The following SESN3 variants were observed in gnomAD, a reference collection of about 807,000 sequenced individuals.
The protein encoded by SESN3 is sestrin-3.
A neutral mutation model predicts 55.3 loss-of-function variants in SESN3; 21 were observed. That is an observed-to-expected ratio of 0.38 (90% CI 0.27 to 0.55). The LOEUF (loss-of-function observed/expected upper bound fraction) is 0.55. Ranked by LOEUF, SESN3 falls within the 20% of genes least tolerant of loss-of-function variation. The probability of loss-of-function intolerance (pLI) is 0.76; values close to 1 mark genes in which losing one functional copy is unlikely to be tolerated. For missense variants in SESN3, 408 were observed against 604.3 expected, an observed-to-expected ratio of 0.68 and a Z score of 3.41; for synonymous variants, 181 against 203.1, an observed-to-expected ratio of 0.89 and a Z score of 0.93.
At chr11:95,190,107 T>C (rs1223099978) in intron 3 of SESN3, 146 bp from the exon 4 acceptor site, 3 of 604,102 alleles carry the variant, frequency 5.0e-6, no homozygotes, top group Non-Finnish European at 8.3e-6. Flanking sequence ...AAAACATCCA[T>C]CATAATGATG....
chr11:95,216,110 G>GAA (rs71036381), intron 1 of SESN3, among the ~76,000 whole-genome samples: 75 of 122,188 alleles, frequency 6.1e-4, no homozygotes, highest in Middle Eastern at 4.7e-3. Flanking sequence ...AAAAAAAAAA[G>GAA]AAAAAAAAAA....
At chr11:95,174,012 G>A (rs1859905878) in intron 9 of SESN3, among the ~76,000 whole-genome samples, 2 of 152,146 alleles carry the variant, frequency 1.3e-5, no homozygotes, top group South Asian at 4.2e-4. Context: ...ATATTCTCCT[G>A]AAGAGTAAAG....
chr11:95,191,981 C>T (rs1031125525), intron 2 of SESN3, among the ~76,000 whole-genome samples: 2 of 152,026 alleles, frequency 1.3e-5, no homozygotes, highest in African/African-American at 2.4e-5. Context: ...TTTACAATTT[C>T]ATCTCATCAG....
intron 6 of SESN3, among the ~76,000 whole-genome samples, chr11:95,181,400 CACAAAT>C (rs1475061024): frequency 1.3e-5 from 2 of 152,004 alleles, no homozygotes; most frequent in Non-Finnish European, 2.9e-5. Context: ...TCCCTCAATC[CACAAAT>C]ACTTTTTTCC....
chr11:95,216,023 G>T (rs1024009561), intron 1 of SESN3, among the ~76,000 whole-genome samples: 3 of 150,948 alleles, frequency 2.0e-5, no homozygotes, highest in Non-Finnish European at 4.4e-5. Flanking sequence ...GCGTGAACTC[G>T]GGAGGCGGAG....
Position 95,168,590 on chromosome 11 carries a change from GA to G in SESN3, c.*4664del. ...GAGAGCAAGATATTTCGGCAGCAGG[GA>G]AAAGGGTAGAACAGAATAGGGTGAC... On this transcript the variant is annotated 3_prime_UTR_variant, in exon 10 of 10. Transcript: ENST00000536441. 6.6e-6 allele frequency: 1 copy of G among 152,336 alleles called. No individual in the cohort carries two copies. Among genetic ancestry groups the G allele is most frequent in the Non-Finnish European group, 1.5e-5 (1 of 68,048 alleles). The allele number at this position is 152,336 out of a possible 1,614,324, so 9.4% of individuals were successfully genotyped here. A position where few individuals can be genotyped will look rare whatever the true frequency, so the allele number is the denominator to read the frequency against.
Position 95,167,286 on chromosome 11 carries a change from G to A in SESN3, c.*5969C>T, listed in dbSNP as rs1389740356. ...TTAACTTGAGGGGTGCAAGAAAATA[G>A]ACTGTTCTAGCAAAATTTACATAAC... On this transcript the variant is annotated 3_prime_UTR_variant, in exon 10 of 10. Transcript: ENST00000536441. 6.6e-6 allele frequency: 1 copy of A among 152,044 alleles called. No individual in the cohort carries two copies. Among genetic ancestry groups the A allele is most frequent in the South Asian group, 2.1e-4 (1 of 4,812 alleles). The allele number at this position is 152,044 out of a possible 1,614,324, so 9.4% of individuals were successfully genotyped here. A position where few individuals can be genotyped will look rare whatever the true frequency, so the allele number is the denominator to read the frequency against.
intron 1 of SESN3, among the ~76,000 whole-genome samples, chr11:95,210,941 GA>G (rs1228319610): frequency 1.3e-5 from 2 of 151,924 alleles, no homozygotes; most frequent in South Asian, 4.2e-4. Context: ...TAAAAAAAAG[GA>G]AAAAACAAAA....
chr11:95,175,509 G>T lies in SESN3; in HGVS notation c.1381C>A (p.His461Asn). The T allele has an allele frequency of 6.2e-7, 1 of 1,613,622 alleles. No individual in the cohort carries two copies. Among genetic ancestry groups the T allele is most frequent in the Non-Finnish European group, 8.5e-7 (1 of 1,179,702 alleles). Residue 461 changes from histidine to asparagine, a missense_variant, in exon 9 of 10, where the codon CAC becomes AAC. Physicochemically the swap from His to Asn is moderately conservative, Grantham distance 68 (BLOSUM62 1). Coordinates refer to ENST00000536441, the MANE Select transcript of SESN3 (RefSeq NM_144665.4). Reference sequence around the variant, plus strand: ...ACTGAAACACGTACTTTTTCTGAGTGTTTGAACTGCCGCCAGTAACTATCA... The same window carrying T: ...ACTGAAACACGTACTTTTTCTGAGTTTTTGAACTGCCGCCAGTAACTATCA... ...MYDSYWRQFK[H>N]SEKVHVNLLL...
At chr11:95,214,282 T>C (rs1253155817) in intron 1 of SESN3, among the ~76,000 whole-genome samples, 1 of 152,232 alleles carries the variant, frequency 6.6e-6, no homozygotes, top group Non-Finnish European at 1.5e-5. Context: ...TACAGCCTGT[T>C]ATTCACATAA....
At chr11:95,207,057 G>T (rs1002649372) in intron 1 of SESN3, among the ~76,000 whole-genome samples, 1 of 152,122 alleles carries the variant, frequency 6.6e-6, no homozygotes, top group Non-Finnish European at 1.5e-5. Context: ...GGGATTACAG[G>T]CATGAACCAC....
chr11:95,184,553 C>T lies in SESN3; in HGVS notation c.804G>A (p.Arg268=). The T allele has an allele frequency of 1.9e-6, 3 of 1,613,438 alleles. No individual in the cohort carries two copies. The highest frequency in any genetic ancestry group is 2.5e-6 in the Non-Finnish European group (3 of 1,179,682). The change falls in exon 6 of 10, where the codon AGG becomes AGA. Residue 268 remains arginine (R), a synonymous_variant. Transcript: ENST00000536441. The part of the protein sequence containing the change: ...SLSELEALME[R]MKRLQEERED... Reference sequence around the variant, plus strand: ...CCCTTTCTTCTTGAAGTCTTTTCATCCTTTCCATTAAGGCCTCTAGCTCAC... The same window carrying T: ...CCCTTTCTTCTTGAAGTCTTTTCATTCTTTCCATTAAGGCCTCTAGCTCAC...
chr11:95,175,674 ACAAAAT>A, intron 8 of SESN3, 32 bp from the exon 9 acceptor site: 1 of 1,565,492 alleles, frequency 6.4e-7, no homozygotes. Flanking sequence ...CTTTATAATG[ACAAAAT>A]CAAAATATTT....
In SESN3 at chr11:95,170,594, A is replaced by G. The variant is rs1446275674; in HGVS notation, c.*2661T>C. The G allele has an allele frequency of 3.3e-5, 5 of 152,218 alleles. No individual in the cohort carries two copies. The highest frequency in any genetic ancestry group is 1.2e-4 in the African/African-American group (5 of 41,452). 9.4% of individuals were successfully genotyped at this position (152,218 alleles called of 1,614,324 possible). A position where few individuals can be genotyped will look rare whatever the true frequency, so the allele number is the denominator to read the frequency against. On this transcript the variant is annotated 3_prime_UTR_variant, in exon 10 of 10. Coordinates refer to ENST00000536441, the MANE Select transcript of SESN3 (RefSeq NM_144665.4). ...TATAAATTACTAAATAGTAAATTCA[A>G]TACTCTGAAAAAATACCACCCTGGA...
intron 1 of SESN3, among the ~76,000 whole-genome samples, chr11:95,217,158 T>C (rs1054628161): frequency 2.0e-5 from 3 of 151,602 alleles, no homozygotes; most frequent in Non-Finnish European, 4.4e-5. Flanking sequence ...TTATACATCA[T>C]GTGAATTTGT....
In SESN3 at chr11:95,170,111, G is replaced by T. The variant is rs1169297915; in HGVS notation, c.*3144C>A. On this transcript the variant is annotated 3_prime_UTR_variant, in exon 10 of 10. Transcript: ENST00000536441. ...TACTTAGTTCAAAAAGGGGAAGGAG[G>T]TAATAAGCTGTCTCAAAAGCCTCTT... 1 of 152,094 alleles carries T rather than the reference G, an allele frequency of 6.6e-6. No homozygotes were observed. The highest frequency in any genetic ancestry group is 1.5e-5 in the Non-Finnish European group (1 of 68,008). 9.4% of individuals were successfully genotyped at this position (152,094 alleles called of 1,614,324 possible).
intron 1 of SESN3, among the ~76,000 whole-genome samples, chr11:95,213,339 T>C (rs910285454): frequency 6.6e-6 from 1 of 152,198 alleles, no homozygotes; most frequent in Admixed American, 6.5e-5. Context: ...GCTGATTCAA[T>C]TGAAAATGAC....
intron 3 of SESN3, 30 bp from the exon 4 acceptor site, chr11:95,189,991 A>G: frequency 6.5e-7 from 1 of 1,533,142 alleles, no homozygotes; most frequent in Non-Finnish European, 8.8e-7. Context: ...ATTCATTGAT[A>G]AAAGAATCAC....
rs185281880 is a variant in SESN3, at chr11:95,184,065, A to T, written c.937+355T>A. 3.4e-3 allele frequency: 1,008 copies of T among 297,444 alleles called. 4 individuals are homozygous for T. The highest frequency in any genetic ancestry group is 0.011 in the Middle Eastern group (12 of 1,080). 18.4% of individuals were successfully genotyped at this position (297,444 alleles called of 1,614,324 possible). A position where few individuals can be genotyped will look rare whatever the true frequency, so the allele number is the denominator to read the frequency against. ...ACCTACAAAAAAGGCAGTTTTTTTT[A>T]AAATTTTATCTATTGAAACAATATT... On this transcript the variant is annotated intron_variant, in intron 6 of 9. Coordinates refer to ENST00000536441, the MANE Select transcript of SESN3 (RefSeq NM_144665.4).
Sources: gnomAD v4.1 joint callset for allele counts (sites outside exome capture counted in the v4.1 genomes callset) on GRCh38, gnomAD v4.1.1 for gene constraint, MANE v1.5 for transcripts, NCBI Gene and HGNC (gene_info 2026-07-23, HGNC 2026-07-21) for gene names.